The following RAPGEF5 variants were observed in gnomAD, a reference collection of about 807,000 sequenced individuals.
The protein encoded by RAPGEF5 is M-Ras-regulated GEF.
In RAPGEF5, 65 loss-of-function variants were observed where a neutral mutation model predicts 125.2. The ratio of observed to expected loss-of-function variants is 0.52; its 90% CI spans 0.43 to 0.64. The LOEUF (loss-of-function observed/expected upper bound fraction) is 0.64. RAPGEF5 is among the 30% of genes least tolerant of loss of function. The pLI, the probability that RAPGEF5 is intolerant of heterozygous loss-of-function variation, is 0.00. For synonymous variants in RAPGEF5, 391 were observed against 385.9 expected (o/e 1.01, Z -0.16); for missense variants, 958 against 1,048.1 (o/e 0.91, Z 1.19).
chr7:22,275,963 T>C (rs1782544676), intron 6 of RAPGEF5, among the ~76,000 whole-genome samples: 1 of 152,212 alleles, frequency 6.6e-6, no homozygotes, highest in Non-Finnish European at 1.5e-5. Context: ...GACACTAACA[T>C]CTTTTCAAAA....
chr7:22,331,744 C>CAAAA (rs11406166), intron 1 of RAPGEF5, among the ~76,000 whole-genome samples: 1 of 94,890 alleles, frequency 1.1e-5, no homozygotes, highest in Non-Finnish European at 2.1e-5. Context: ...GACTCCATCT[C>CAAAA]AAAAAAAAAA....
intron 7 of RAPGEF5, among the ~76,000 whole-genome samples, chr7:22,260,221 A>G (rs1308188317): frequency 6.6e-6 from 1 of 152,170 alleles, no homozygotes; most frequent in Non-Finnish European, 1.5e-5. Context: ...GTCATTATAC[A>G]TTTCTCCAAA....
At chr7:22,240,466 G>C (rs1786302617) in intron 7 of RAPGEF5, among the ~76,000 whole-genome samples, 1 of 151,840 alleles carries the variant, frequency 6.6e-6, no homozygotes, top group South Asian at 2.1e-4. Flanking sequence ...CCACCTCCCG[G>C]GTTCAAGCCA....
chr7:22,316,491 T>A (rs1262764863), intron 2 of RAPGEF5, among the ~76,000 whole-genome samples: 24 of 59,348 alleles, frequency 4.0e-4, no homozygotes, highest in South Asian at 2.1e-3. Flanking sequence ...ATATATATAT[T>A]TTTTTTTTTT....
At chr7:22,209,336 C>T (rs1785460103) in intron 9 of RAPGEF5, among the ~76,000 whole-genome samples, 1 of 152,170 alleles carries the variant, frequency 6.6e-6, no homozygotes, top group African/African-American at 2.4e-5. Context: ...TCCTTTTATC[C>T]CTTTCTTGGC....
intron 1 of RAPGEF5, among the ~76,000 whole-genome samples, chr7:22,346,093 G>C (rs537348896): frequency 6.6e-6 from 1 of 152,208 alleles, no homozygotes; most frequent in African/African-American, 2.4e-5. Flanking sequence ...ACTGGTTGAG[G>C]TGTCATCTCA....
Position 22,256,904 on chromosome 7 carries a change from C to T in RAPGEF5, c.796+10060G>A, listed in dbSNP as rs555210558. On this transcript the variant is annotated intron_variant, in intron 7 of 25. Transcript: ENST00000665637. ...TGCTATTCACATCCACTAAGGTTCGCTCTTAGGGTAGAAAACTGTTCAAAG... is the reference window on the plus strand; with the variant it reads ...TGCTATTCACATCCACTAAGGTTCGTTCTTAGGGTAGAAAACTGTTCAAAG... Among the ~76,000 whole-genome samples the T allele has an allele frequency of 2.9e-4, 44 of 152,304 alleles. No homozygotes were observed. The South Asian group carries it at 4.8e-3, about 17-fold the overall frequency.
intron 7 of RAPGEF5, among the ~76,000 whole-genome samples, chr7:22,263,662 A>G (rs1015559113): frequency 3.9e-5 from 6 of 152,096 alleles, no homozygotes; most frequent in South Asian, 2.1e-4. Flanking sequence ...CCTGGGAGGC[A>G]GAGGTTGCAG....
chr7:22,294,607 C>G (rs528276984), intron 5 of RAPGEF5, among the ~76,000 whole-genome samples: 2 of 152,342 alleles, frequency 1.3e-5, no homozygotes, highest in South Asian at 4.1e-4. Context: ...GTCTTCCTCA[C>G]CTTAATTGAT....
At chr7:22,270,262 C>T (rs12538623) in intron 6 of RAPGEF5, among the ~76,000 whole-genome samples, 7,594 of 152,264 alleles carry the variant, frequency 0.05, 278 homozygotes, top group Non-Finnish European at 0.066. Flanking sequence ...TAGAGCCAGG[C>T]AGTCACCTAG....
chr7:22,317,641 C>T (rs888414278), intron 2 of RAPGEF5, among the ~76,000 whole-genome samples: 6 of 152,048 alleles, frequency 3.9e-5, no homozygotes, highest in African/African-American at 1.4e-4. Context: ...AAAATATATG[C>T]TATTTGTAAA....
At chr7:22,208,140 C>T (rs780908971) in intron 9 of RAPGEF5, among the ~76,000 whole-genome samples, 13 of 152,120 alleles carry the variant, frequency 8.5e-5, no homozygotes, top group Non-Finnish European at 1.5e-4. Flanking sequence ...TCACATCACA[C>T]CTTGCTCATT....
chr7:22,178,372 G>T (rs542800880), intron 11 of RAPGEF5, among the ~76,000 whole-genome samples: 1 of 152,270 alleles, frequency 6.6e-6, no homozygotes, highest in Non-Finnish European at 1.5e-5. Flanking sequence ...ACTACCTGGA[G>T]ATAGCACAGA....
intron 11 of RAPGEF5, among the ~76,000 whole-genome samples, chr7:22,167,363 T>C (rs985225538): frequency 5.3e-5 from 8 of 152,208 alleles, no homozygotes. Context: ...CAATAAGATA[T>C]TTTTGTTGCA....
At chr7:22,129,931 G>T (rs919936516) in intron 24 of RAPGEF5, among the ~76,000 whole-genome samples, 1 of 152,186 alleles carries the variant, frequency 6.6e-6, no homozygotes, top group East Asian at 1.9e-4. Flanking sequence ...GGCTGGGTAA[G>T]CAGAGCAATG....
At chr7:22,224,961 C>CT (rs1380906745) in intron 8 of RAPGEF5, among the ~76,000 whole-genome samples, 1 of 151,618 alleles carries the variant, frequency 6.6e-6, no homozygotes, top group African/African-American at 2.4e-5. Flanking sequence ...TCAAGGAACT[C>CT]TAAGCATTTT....
intron 9 of RAPGEF5, among the ~76,000 whole-genome samples, chr7:22,218,680 G>A (rs751699729): frequency 1.3e-5 from 2 of 152,184 alleles, no homozygotes; most frequent in Non-Finnish European, 2.9e-5. Context: ...GAGGTTAGGC[G>A]TCAGTCTATG....
chr7:22,262,037 T>G (rs1782167901), intron 7 of RAPGEF5, among the ~76,000 whole-genome samples: 1 of 152,120 alleles, frequency 6.6e-6, no homozygotes, highest in Admixed American at 6.6e-5. Context: ...ATTAAAAGAC[T>G]CATTAAAAAT....
chr7:22,212,630 CATCT>C (rs1785537919), intron 9 of RAPGEF5, among the ~76,000 whole-genome samples: 3 of 152,304 alleles, frequency 2.0e-5, no homozygotes, highest in Admixed American at 6.5e-5. Flanking sequence ...AACAACTCTC[CATCT>C]GTCTGTGCAT....
Sources: gnomAD v4.1 joint callset for allele counts (sites outside exome capture counted in the v4.1 genomes callset) on GRCh38, gnomAD v4.1.1 for gene constraint, MANE v1.5 for transcripts, NCBI Gene and HGNC (gene_info 2026-07-23, HGNC 2026-07-21) for gene names.